The following RPH3A variants were observed in gnomAD, a reference collection of about 807,000 sequenced individuals.
RPH3A encodes the protein rabphilin 3A.
In RPH3A, 48 loss-of-function variants were observed where a neutral mutation model predicts 102.2. The ratio of observed to expected loss-of-function variants is 0.47; its 90% CI spans 0.37 to 0.60. RPH3A has a LOEUF of 0.60. Among genes scored for constraint, RPH3A ranks in the 20% least tolerant of loss-of-function variants. The pLI is 0.00. For synonymous variants in RPH3A, 310 were observed against 324.3 expected (o/e 0.96, Z 0.47); for missense variants, 781 against 910.1 (o/e 0.86, Z 1.83).
intron 1 of RPH3A, among the ~76,000 whole-genome samples, chr12:112,732,738 G>A (rs963316037): frequency 1.3e-5 from 2 of 152,188 alleles, no homozygotes; most frequent in African/African-American, 4.8e-5. Flanking sequence ...GGTCAGGCCT[G>A]TATACTCAGC....
At chr12:112,620,139 T>G (rs1168184382) in intron 1 of RPH3A, among the ~76,000 whole-genome samples, 3 of 152,218 alleles carry the variant, frequency 2.0e-5, no homozygotes, top group Non-Finnish European at 4.4e-5. Flanking sequence ...GTTCAAATCC[T>G]TCTGAAAATA....
At chr12:112,757,475 C>G (rs1362831901) in intron 1 of RPH3A, among the ~76,000 whole-genome samples, 3 of 151,802 alleles carry the variant, frequency 2.0e-5, no homozygotes, top group African/African-American at 7.3e-5. Context: ...TGAATGTTGC[C>G]CAACACAAAG....
intron 1 of RPH3A, among the ~76,000 whole-genome samples, chr12:112,713,235 AT>A (rs1354506099): frequency 6.6e-6 from 1 of 151,566 alleles, no homozygotes; most frequent in Non-Finnish European, 1.5e-5. Context: ...CCTGACATGT[AT>A]TTGTATATAT....
At chr12:112,849,434 T>TGC (rs2042286032) in intron 5 of RPH3A, among the ~76,000 whole-genome samples, 1 of 139,220 alleles carries the variant, frequency 7.2e-6, no homozygotes, top group Non-Finnish European at 1.5e-5. Context: ...TGTGTGTGTG[T>TGC]GCATGTGTGT....
chr12:112,613,466 T>C (rs905540311), intron 1 of RPH3A, among the ~76,000 whole-genome samples: 1 of 152,148 alleles, frequency 6.6e-6, no homozygotes, highest in Admixed American at 6.5e-5. Flanking sequence ...CATGTCCTAA[T>C]TCTGGAGCCC....
chr12:112,583,923 T>C (rs2039418749), intron 1 of RPH3A, among the ~76,000 whole-genome samples: 1 of 152,036 alleles, frequency 6.6e-6, no homozygotes, highest in African/African-American at 2.4e-5. Flanking sequence ...GAGGTGGAGG[T>C]TGCAGTGAGC....
intron 1 of RPH3A, among the ~76,000 whole-genome samples, chr12:112,712,873 C>CTTT (rs200904686): frequency 4.7e-5 from 7 of 148,218 alleles, no homozygotes; most frequent in African/African-American, 1.8e-4. Flanking sequence ...ACCCAGCTCA[C>CTTT]TTTTTTTTCT....
intron 1 of RPH3A, among the ~76,000 whole-genome samples, chr12:112,764,917 C>G (rs1017127607): frequency 1.3e-5 from 2 of 152,120 alleles, no homozygotes; most frequent in Non-Finnish European, 2.9e-5. Flanking sequence ...GTTTGAAATA[C>G]TTAACGTGAT....
chr12:112,700,269 A>G (rs1225381958), intron 1 of RPH3A, among the ~76,000 whole-genome samples: 1 of 152,096 alleles, frequency 6.6e-6, no homozygotes, highest in Non-Finnish European at 1.5e-5. Flanking sequence ...GGGTTTCATC[A>G]TGTTGGTCAG....
Position 112,881,281 on chromosome 12 carries a change from A to T in RPH3A, c.1252-491A>T, listed in dbSNP as rs12304576. Among the ~76,000 whole-genome samples the T allele has an allele frequency of 7.4e-3, 1,126 of 152,266 alleles. 11 individuals are homozygous for T. The highest frequency in any genetic ancestry group is 0.026 in the African/African-American group (1,068 of 41,536). Reference sequence around the variant, plus strand: ...CTGAGCCTCATCCCAGCCCTGATGGATGGAGACACTGAAGTCTTAGAAGAG... The same window carrying T: ...CTGAGCCTCATCCCAGCCCTGATGGTTGGAGACACTGAAGTCTTAGAAGAG... On this transcript the variant is annotated intron_variant, in intron 14 of 21. Coordinates refer to ENST00000389385, the MANE Select transcript of RPH3A (RefSeq NM_001143854.2).
rs761567543 is a variant in RPH3A, at chr12:112,894,665, G to T, written c.1857+6G>T. On this transcript the variant is annotated splice_donor_region_variant and intron_variant, in intron 20 of 21. Transcript: ENST00000389385. ...TGAATCCCGAATTCAATGAGGTAAG[G>T]CTGCCCTATTCTTTTTCATGCTCTG... 1 of 1,612,548 alleles carries T rather than the reference G, an allele frequency of 6.2e-7. No individual in the cohort carries two copies. Among genetic ancestry groups the T allele is most frequent in the Non-Finnish European group, 8.5e-7 (1 of 1,179,340 alleles).
chr12:112,846,256 G>A (rs1214650363), intron 4 of RPH3A, among the ~76,000 whole-genome samples: 1 of 152,222 alleles, frequency 6.6e-6, no homozygotes, highest in African/African-American at 2.4e-5. Context: ...CTAATTCTGA[G>A]TTTTATTCTA....
intron 1 of RPH3A, among the ~76,000 whole-genome samples, chr12:112,732,324 C>T (rs1418868566): frequency 6.6e-6 from 1 of 152,202 alleles, no homozygotes; most frequent in African/African-American, 2.4e-5. Context: ...TTTAGAATCT[C>T]AGGCTTTGAA....
chr12:112,810,291 T>C (rs927926724), intron 2 of RPH3A, among the ~76,000 whole-genome samples: 1 of 152,194 alleles, frequency 6.6e-6, no homozygotes, highest in Non-Finnish European at 1.5e-5. Flanking sequence ...CTGATTTTAT[T>C]GTAGAAACTA....
At chr12:112,882,583 C>T (rs1372820073) in intron 15 of RPH3A, among the ~76,000 whole-genome samples, 1 of 152,226 alleles carries the variant, frequency 6.6e-6, no homozygotes, top group Non-Finnish European at 1.5e-5. Flanking sequence ...CCTCCACCCT[C>T]AACACACACG....
At chr12:112,841,697 T>G (rs1269205664) in intron 4 of RPH3A, among the ~76,000 whole-genome samples, 2 of 123,242 alleles carry the variant, frequency 1.6e-5, no homozygotes, top group Admixed American at 9.1e-5. Context: ...GAGTTTTTTT[T>G]GTTTTTTTGG....
At chr12:112,881,964 A>C in intron 15 of RPH3A, 118 bp downstream of exon 15, 3 of 670,974 alleles carry the variant, frequency 4.5e-6, no homozygotes, top group Non-Finnish European at 7.7e-6. Context: ...ACCCCACCTC[A>C]TCCTGTGAGT....
intron 2 of RPH3A, among the ~76,000 whole-genome samples, chr12:112,809,747 G>A (rs999006631): frequency 6.6e-6 from 1 of 152,164 alleles, no homozygotes; most frequent in African/African-American, 2.4e-5. Context: ...ACAGAGCCAG[G>A]ACTAGCCCCT....
chr12:112,804,356 C>T (rs2041416488), intron 2 of RPH3A, among the ~76,000 whole-genome samples: 1 of 152,234 alleles, frequency 6.6e-6, no homozygotes. Context: ...GCTGTGAGCA[C>T]TTCCAGGTGG....
Sources: gnomAD v4.1 joint callset for allele counts (sites outside exome capture counted in the v4.1 genomes callset) on GRCh38, gnomAD v4.1.1 for gene constraint, MANE v1.5 for transcripts, NCBI Gene and HGNC (gene_info 2026-07-23, HGNC 2026-07-21) for gene names.